MGST1: variants seen among roughly 807,000 people sequenced by gnomAD.
MGST1 encodes microsomal glutathione S-transferase 1, also known as glutathione S-transferase 12.
In MGST1, 5 loss-of-function variants were observed where a neutral mutation model predicts 8.9. The observed-to-expected ratio is 0.56, with a 90% CI of 0.29 to 1.19. The LOEUF is 1.19. Ranked by LOEUF, MGST1 falls within the 50% of genes most tolerant of loss-of-function variation. The pLI is 0.08. For missense variants in MGST1, 182 were observed against 187.4 expected (o/e 0.97, Z 0.17); for synonymous variants, 54 against 67.8 (o/e 0.80, Z 1.00).
chr12:16,483,585 T>C (rs1941379331), intron 4 of MGST1, among the ~76,000 whole-genome samples: 2 of 151,828 alleles, frequency 1.3e-5, no homozygotes, highest in Admixed American at 6.5e-5. Context: ...AGGCAAAATA[T>C]ATTATTAGAG....
Position 16,583,317 on chromosome 12 carries a change from T to TA in MGST1, n.483-6204dup, listed in dbSNP as rs992161936. ...ACAACAACAGACTGTTCTTTTTTTT[T>TA]AAAAAAATTAGACAATAGGGGAATT... On this transcript the variant is annotated intron_variant and non_coding_transcript_variant, in intron 4 of 4. Transcript: ENST00000538857. Among the ~76,000 whole-genome samples, 38 of 151,762 alleles carry TA rather than the reference T, an allele frequency of 2.5e-4. 1 individual carries two copies. Among genetic ancestry groups the TA allele is most frequent in the Non-Finnish European group, 3.8e-4 (26 of 67,932 alleles).
intron 4 of MGST1, among the ~76,000 whole-genome samples, chr12:16,476,517 G>C (rs979139301): frequency 1.3e-5 from 2 of 152,114 alleles, no homozygotes; most frequent in African/African-American, 4.8e-5. Context: ...AGATGACCAA[G>C]ACATGTTCCC....
rs1361833099 is a variant in MGST1 at position 16,369,767 on chromosome 12, A to C, written c.222-6355A>C. The C allele has an allele frequency of 1.3e-5, 2 of 152,208 alleles. No individual in the cohort carries two copies. Among genetic ancestry groups the C allele is most frequent in the Non-Finnish European group, 2.9e-5 (2 of 68,044 alleles). 9.4% of individuals were successfully genotyped at this position (152,208 alleles called of 1,614,324 possible). A position where few individuals can be genotyped will look rare whatever the true frequency, so the allele number is the denominator to read the frequency against. On this transcript the variant is annotated intron_variant, in intron 3 of 3. Coordinates refer to the MGST1 transcript ENST00000535309. This position sits in a 1 kb window ranked among gnomAD's most constrained non-coding sequence, Gnocchi z 4.8. The stretch of plus-strand genomic sequence containing the variant: ...CAGAAAGTTTTCTGATTCTTGCTCC[A>C]GTAGGTTAGCCTGACTGTGCTATCA...
intron 1 of MGST1, chr12:16,402,081 C>T (rs1940660515): frequency 5.1e-6 from 8 of 1,554,912 alleles, no homozygotes; most frequent in South Asian, 1.1e-5. Flanking sequence ...GCTATTCTTA[C>T]TACTTTCATT....
At chr12:16,562,029 C>G (rs148509238) in intron 4 of MGST1, among the ~76,000 whole-genome samples, 110 of 152,240 alleles carry the variant, frequency 7.2e-4, no homozygotes, top group Non-Finnish European at 9.9e-4. Flanking sequence ...ACCCAAGTAA[C>G]CTTCATGTTC....
intron 1 of MGST1, among the ~76,000 whole-genome samples, chr12:16,414,015 GTA>G (rs1282075932): frequency 1.3e-5 from 2 of 151,818 alleles, no homozygotes; most frequent in East Asian, 3.8e-4. Flanking sequence ...CAACAACTAA[GTA>G]TTATGATATT....
chr12:16,355,242 T>C (rs1591693427), intron 2 of MGST1, among the ~76,000 whole-genome samples: 2 of 147,324 alleles, frequency 1.4e-5, no homozygotes, highest in African/African-American at 5.0e-5. Flanking sequence ...GGAGTCTCAC[T>C]CTGTTGCCCA....
intron 4 of MGST1, among the ~76,000 whole-genome samples, chr12:16,542,187 A>G (rs1591755585): frequency 6.6e-6 from 1 of 152,220 alleles, no homozygotes. Context: ...ATTTTCATCA[A>G]TTAAAATGGT....
At position 16,582,921 on chromosome 12, in the gene MGST1, C is replaced by T. The variant is rs1021590002; in HGVS notation, n.483-6607C>T. Among the ~76,000 whole-genome samples, 3 of 151,964 alleles carry T rather than the reference C, an allele frequency of 2.0e-5. No individual in the cohort carries two copies. The highest frequency in any genetic ancestry group is 6.6e-5 in the Admixed American group (1 of 15,244). The stretch of plus-strand genomic sequence containing the variant: ...AATTAGCCGGGAGTGGTGGCATGCA[C>T]CTGTAATCCCAGCTACTCAGGAGGC... On this transcript the variant is annotated intron_variant and non_coding_transcript_variant, in intron 4 of 4. Transcript: ENST00000538857. The surrounding 1 kb of genome is among the most constrained non-coding windows in gnomAD (Gnocchi z 4.1).
At position 16,482,595 on chromosome 12, in the gene MGST1, C is replaced by T. The variant is rs1284825343; in HGVS notation, n.482+98991C>T. 6.6e-6 allele frequency among the ~76,000 whole-genome samples: 1 copy of T among 150,738 alleles called. No individual in the cohort carries two copies. The highest frequency in any genetic ancestry group is 1.5e-5 in the Non-Finnish European group (1 of 67,880). On this transcript the variant is annotated intron_variant and non_coding_transcript_variant, in intron 4 of 4. Coordinates refer to the MGST1 transcript ENST00000538857. This position sits in a 1 kb window ranked among gnomAD's most constrained non-coding sequence, Gnocchi z 4.2. ...GCAGTGAGCCAAGATCACGCCACTG[C>T]ACTCCAGCCTGGGTTACAGAGCAAG...
chr12:16,522,827 G>C (rs1273400633), intron 4 of MGST1, among the ~76,000 whole-genome samples: 1 of 152,030 alleles, frequency 6.6e-6, no homozygotes, highest in East Asian at 1.9e-4. Context: ...TTTCTACCTA[G>C]AGAAACTTGG....
rs1434238607 is a variant in MGST1 at position 16,559,474 on chromosome 12, C to T, written n.483-30054C>T. 1.3e-5 allele frequency among the ~76,000 whole-genome samples: 2 copies of T among 152,160 alleles called. No homozygotes were observed. The highest frequency in any genetic ancestry group is 2.9e-5 in the Non-Finnish European group (2 of 68,034). On this transcript the variant is annotated intron_variant and non_coding_transcript_variant, in intron 4 of 4. Transcript: ENST00000538857. This position sits in a 1 kb window ranked among gnomAD's most constrained non-coding sequence, Gnocchi z 4.1. ...GGTGTTTGTTTGGTTTAAGATCGCA[C>T]AGCTTATTAGTGGCAGAGCCCATAT...
At chr12:16,356,485 C>G (rs144444548) in intron 2 of MGST1, among the ~76,000 whole-genome samples, 1 of 151,948 alleles carries the variant, frequency 6.6e-6, no homozygotes, top group South Asian at 2.1e-4. Flanking sequence ...CCCTGTGCAT[C>G]GGTTCTCTTC....
chr12:16,454,907 A>T (rs965161428), intron 4 of MGST1, among the ~76,000 whole-genome samples: 1 of 148,166 alleles, frequency 6.7e-6, no homozygotes, highest in African/African-American at 2.5e-5. Context: ...AAAAAAAAGG[A>T]GATGGGAAGA....
At chr12:16,565,317 G>A (rs1942562258) in intron 4 of MGST1, among the ~76,000 whole-genome samples, 1 of 152,118 alleles carries the variant, frequency 6.6e-6, no homozygotes, top group African/African-American at 2.4e-5. Flanking sequence ...AAGGACAATT[G>A]CTTTTTTGTC....
chr12:16,415,913 C>G (rs2137078997), intron 1 of MGST1, among the ~76,000 whole-genome samples: 2 of 152,150 alleles, frequency 1.3e-5, no homozygotes, highest in East Asian at 3.9e-4. Flanking sequence ...AGATAAAATT[C>G]TATAAAATTT....
chr12:16,533,729 A>C (rs983966914), intron 4 of MGST1, among the ~76,000 whole-genome samples: 1 of 152,052 alleles, frequency 6.6e-6, no homozygotes, highest in Admixed American at 6.6e-5. Flanking sequence ...GGATGCAAAA[A>C]AAAAAAAAAG....
At chr12:16,365,197 T>A (rs1591705680), downstream of MGST1, among the ~76,000 whole-genome samples, 1 of 152,180 alleles carries the variant, frequency 6.6e-6, no homozygotes, top group Non-Finnish European at 1.5e-5. Flanking sequence ...AAACTTTCAC[T>A]TAATAGATTT....
At chr12:16,564,827 C>T (rs1942535126) in intron 4 of MGST1, among the ~76,000 whole-genome samples, 1 of 152,124 alleles carries the variant, frequency 6.6e-6, no homozygotes. Context: ...ACTCTGTCAC[C>T]TAGGCTGGAA....
Sources: gnomAD v4.1 joint callset for allele counts (sites outside exome capture counted in the v4.1 genomes callset) on GRCh38, gnomAD v4.1.1 for gene constraint, Gnocchi (gnomAD v3.1) non-coding constraint, MANE v1.5 for transcripts, NCBI Gene and HGNC (gene_info 2026-07-23, HGNC 2026-07-21) for gene names.